The following CEP89 variants were observed in gnomAD, a reference collection of about 807,000 sequenced individuals.
The protein encoded by CEP89 is centrosomal protein 89.
CEP89 carries 95 observed loss-of-function variants against 97.6 expected under a neutral mutation model. The ratio of observed to expected loss-of-function variants is 0.97; its 90% CI spans 0.82 to 1.15. CEP89 has a LOEUF of 1.15. CEP89 is among the 50% of genes most tolerant of loss of function. The probability of loss-of-function intolerance (pLI) is 0.00; values close to 1 mark genes in which losing one functional copy is unlikely to be tolerated. For missense variants in CEP89, 869 were observed against 947.7 expected (o/e 0.92, Z 1.09); for synonymous variants, 354 against 349.1 (o/e 1.01, Z -0.16).
chr19:32,900,144 G>C (rs1438700102), intron 15 of CEP89, 146 bp from the exon 16 acceptor site: 7 of 710,418 alleles, frequency 9.9e-6, no homozygotes, highest in Admixed American at 3.0e-5. Context: ...TAAGTTTCAA[G>C]GTGAGAAGAG....
At chr19:32,898,198 A>G (rs1969683304) in intron 16 of CEP89, among the ~76,000 whole-genome samples, 1 of 152,230 alleles carries the variant, frequency 6.6e-6, no homozygotes. Context: ...TTATTTGGCC[A>G]TATAAAAGAA....
At chr19:32,933,789 G>C in intron 7 of CEP89, 120 bp from the exon 8 acceptor site, 1 of 691,040 alleles carries the variant, frequency 1.4e-6, no homozygotes, top group Non-Finnish European at 2.5e-6. Flanking sequence ...TTGGTCCCTG[G>C]GAAGGGAATG....
intron 14 of CEP89, among the ~76,000 whole-genome samples, chr19:32,908,494 T>G (rs1312711876): frequency 6.6e-6 from 1 of 152,118 alleles, no homozygotes; most frequent in Non-Finnish European, 1.5e-5. Flanking sequence ...GAGAGAGAAT[T>G]TATAACATGG....
intron 8 of CEP89, 121 bp downstream of exon 8, chr19:32,933,330 A>G: frequency 1.2e-6 from 1 of 801,076 alleles, no homozygotes; most frequent in South Asian, 1.7e-5. Context: ...TTAACAAAAA[A>G]ACCTGAAATA....
At chr19:32,914,852 T>A (rs926636508) in intron 14 of CEP89, among the ~76,000 whole-genome samples, 1 of 151,850 alleles carries the variant, frequency 6.6e-6, no homozygotes, top group Non-Finnish European at 1.5e-5. Flanking sequence ...TGAAACCCCG[T>A]CTCTACCAAA....
intron 3 of CEP89, among the ~76,000 whole-genome samples, chr19:32,958,348 A>G (rs1393759633): frequency 6.6e-6 from 1 of 152,218 alleles, no homozygotes; most frequent in Non-Finnish European, 1.5e-5. Flanking sequence ...AAAAATGGAT[A>G]GATTTTACTA....
intron 6 of CEP89, among the ~76,000 whole-genome samples, chr19:32,938,167 T>A (rs951591922): frequency 9.2e-5 from 14 of 152,240 alleles, no homozygotes; most frequent in African/African-American, 3.4e-4. Flanking sequence ...TCTGGTGGGC[T>A]CTCTGAGGCT....
At chr19:32,949,426 C>T (rs956005157) in intron 4 of CEP89, among the ~76,000 whole-genome samples, 12 of 151,968 alleles carry the variant, frequency 7.9e-5, no homozygotes, top group African/African-American at 2.9e-4. Flanking sequence ...CACTCTGTCA[C>T]CCTGGCTGGA....
chr19:32,908,318 C>A (rs1372863613), intron 14 of CEP89, among the ~76,000 whole-genome samples: 1 of 152,124 alleles, frequency 6.6e-6, no homozygotes, highest in Non-Finnish European at 1.5e-5. Context: ...GGAGAAAGAC[C>A]TTTGTGGCTC....
intron 14 of CEP89, among the ~76,000 whole-genome samples, chr19:32,910,310 G>GGAGGGAGA (rs1599730761): frequency 1.3e-5 from 2 of 149,380 alleles, no homozygotes; most frequent in African/African-American, 5.0e-5. Flanking sequence ...AGGGAGGGAG[G>GGAGGGAGA]GAGGGAGAGA....
intron 14 of CEP89, 89 bp downstream of exon 14, chr19:32,915,248 C>T: frequency 1.7e-6 from 2 of 1,211,632 alleles, no homozygotes; most frequent in Admixed American, 2.8e-5. Flanking sequence ...CACTTGAGCC[C>T]AGGAGTTTGG....
At chr19:32,958,472 G>C (rs1457329980) in intron 3 of CEP89, among the ~76,000 whole-genome samples, 1 of 87,906 alleles carries the variant, frequency 1.1e-5, no homozygotes, top group Non-Finnish European at 2.1e-5. Context: ...ATCACCAGAG[G>C]TCAGGATTAC....
intron 8 of CEP89, among the ~76,000 whole-genome samples, chr19:32,932,050 G>A (rs560520076): frequency 2.3e-3 from 356 of 151,956 alleles, no homozygotes; most frequent in African/African-American, 8.3e-3. Context: ...GCGTAATGGC[G>A]GGCGCCTATA....
chr19:32,968,799 T>C (rs530594877), intron 1 of CEP89: 3 of 152,036 alleles, frequency 2.0e-5, no homozygotes, highest in Non-Finnish European at 2.9e-5. Flanking sequence ...TCCTACCAAG[T>C]GTTATGGGAT....
chr19:32,931,242 C>T (rs1313644457), intron 9 of CEP89, 187 bp downstream of exon 9: 4 of 566,844 alleles, frequency 7.1e-6, no homozygotes, highest in South Asian at 5.2e-5. Flanking sequence ...GTCTTTATTG[C>T]CTTTATTACG....
intron 10 of CEP89, 137 bp from the exon 11 acceptor site, chr19:32,926,410 C>T: frequency 1.5e-6 from 1 of 652,216 alleles, no homozygotes; most frequent in South Asian, 1.8e-5. Context: ...TAACGACTCT[C>T]CCAGCTCAGG....
chr19:32,901,277 T>G lies in CEP89; in HGVS notation c.1701A>C (p.Glu567Asp), dbSNP rs756233920. Residue 567 changes from glutamate (E) to aspartate (D), a missense_variant, in exon 15 of 19, where the codon GAA becomes GAC. Coordinates refer to ENST00000305768, the MANE Select transcript of CEP89 (RefSeq NM_032816.5). Reference sequence around the variant, plus strand: ...TTTTCTGTGCTCGTTCAAGTTCGGCTTCCAGTGCTTTGTTTTGCTCTGTCA... The same window carrying G: ...TTTTCTGTGCTCGTTCAAGTTCGGCGTCCAGTGCTTTGTTTTGCTCTGTCA... Reference protein sequence around the residue: ...NSLTEQNKALEAELERAQKIN... With the variant: ...NSLTEQNKALDAELERAQKIN... 6 of 1,613,632 alleles carry G rather than the reference T, an allele frequency of 3.7e-6. No individual in the cohort carries two copies. The highest frequency in any genetic ancestry group is 1.7e-4 in the Middle Eastern group (1 of 6,056).
chr19:32,909,075 T>C (rs995574843), intron 14 of CEP89, among the ~76,000 whole-genome samples: 6 of 152,248 alleles, frequency 3.9e-5, no homozygotes, highest in African/African-American at 1.4e-4. Flanking sequence ...CAGTTGGCTT[T>C]GGATTGGACT....
At chr19:32,908,650 C>T (rs1481038503) in intron 14 of CEP89, among the ~76,000 whole-genome samples, 1 of 152,128 alleles carries the variant, frequency 6.6e-6, no homozygotes, top group Admixed American at 6.6e-5. Flanking sequence ...GAGGGCACTT[C>T]GGAGGGCAAG....
Sources: allele counts gnomAD v4.1 joint callset (sites outside exome capture counted in the v4.1 genomes callset), GRCh38; gene constraint gnomAD v4.1.1; transcripts MANE v1.5; gene names NCBI Gene and HGNC (gene_info 2026-07-23, HGNC 2026-07-21).